The following DRAXIN variants were observed in gnomAD, a reference collection of about 807,000 sequenced individuals.
DRAXIN encodes the protein dorsal inhibitory axon guidance protein, also known as dorsal repulsive axon guidance protein.
In DRAXIN, 27 loss-of-function variants were observed where a neutral mutation model predicts 33.9. The ratio of observed to expected loss-of-function variants is 0.80; its 90% confidence interval spans 0.59 to 1.10. The LOEUF is 1.10. DRAXIN is among the 50% of genes least tolerant of loss of function. DRAXIN has a pLI of 0.00. For synonymous variants in DRAXIN, 178 were observed against 194.0 expected, an observed-to-expected ratio of 0.92 and a Z score of 0.69; for missense variants, 371 against 460.8, an observed-to-expected ratio of 0.81 and a Z score of 1.78.
At position 11,704,761 on chromosome 1, in the gene DRAXIN, T is replaced by C. The variant is rs1462167653; in HGVS notation, c.-10-1488T>C. ...CAGATCCCCGGGATAGGGGACAAGA[T>C]GGAAAGTGACGGCCACCTCCTTGTC... On this transcript the variant is annotated intron_variant, in intron 1 of 6. Coordinates refer to ENST00000294485, the MANE Select transcript of DRAXIN (RefSeq NM_198545.4). This position sits in a 1 kb window ranked among gnomAD's most constrained non-coding sequence, Gnocchi z 4.6. Among the ~76,000 whole-genome samples, 5 of 152,084 alleles carry C rather than the reference T, an allele frequency of 3.3e-5. No homozygotes were observed. The highest frequency in any genetic ancestry group is 1.2e-4 in the African/African-American group (5 of 41,412).
At chr1:11,707,549 T>G (rs1027006803) in intron 2 of DRAXIN, among the ~76,000 whole-genome samples, 5 of 152,166 alleles carry the variant, frequency 3.3e-5, no homozygotes, top group Non-Finnish European at 7.4e-5. Context: ...GTGGGGCGCT[T>G]GGAGCTCAGC....
Position 11,696,309 on chromosome 1 carries a change from C to T in DRAXIN, c.-11+4456C>T, listed in dbSNP as rs922220806. On this transcript the variant is annotated intron_variant, in intron 1 of 6. Coordinates refer to ENST00000294485, the MANE Select transcript of DRAXIN (RefSeq NM_198545.4). This position sits in a 1 kb window ranked among gnomAD's most constrained non-coding sequence, Gnocchi z 4.7. ...ACTTTATAAACATTTACTCCCCAGC[C>T]GGGTGCGGTGGCTCACGCCTGTAAT... 2.6e-5 allele frequency among the ~76,000 whole-genome samples: 4 copies of T among 152,206 alleles called. No homozygotes were observed. The highest frequency in any genetic ancestry group is 3.8e-4 in the East Asian group (2 of 5,198).
rs1641353310 is a variant in DRAXIN, at chr1:11,704,750, A to G, written c.-10-1499A>G. Among the ~76,000 whole-genome samples the G allele has an allele frequency of 6.6e-6, 1 of 152,218 alleles. No homozygotes were observed. Among genetic ancestry groups the G allele is most frequent in the Admixed American group, 6.5e-5 (1 of 15,280 alleles). ...GTATCTTCAGCCAGATCCCCGGGAT[A>G]GGGGACAAGATGGAAAGTGACGGCC... On this transcript the variant is annotated intron_variant, in intron 1 of 6. Transcript: ENST00000294485. This position sits in a 1 kb window ranked among gnomAD's most constrained non-coding sequence, Gnocchi z 4.6.
At position 11,723,553 on chromosome 1, in the gene DRAXIN, C is replaced by T. The variant is rs967567942; in HGVS notation, c.*3857C>T. 1.3e-5 allele frequency: 2 copies of T among 151,648 alleles called. No homozygotes were observed. Among genetic ancestry groups the T allele is most frequent in the African/African-American group, 2.4e-5 (1 of 41,254 alleles). The allele number at this position is 151,648 out of a possible 1,614,324, so 9.4% of individuals were successfully genotyped here. Reference sequence around the variant, plus strand: ...TGTAAAATGGGAATAATAACTCTCCCTTCATAGGGTTGTTGTGAGTAGTGA... The same window carrying T: ...TGTAAAATGGGAATAATAACTCTCCTTTCATAGGGTTGTTGTGAGTAGTGA... On this transcript the variant is annotated 3_prime_UTR_variant, in exon 7 of 7. Coordinates refer to ENST00000294485, the MANE Select transcript of DRAXIN (RefSeq NM_198545.4).
Position 11,724,195 on chromosome 1 carries a change from G to A in DRAXIN, c.*4499G>A, listed in dbSNP as rs563619913. On this transcript the variant is annotated 3_prime_UTR_variant, in exon 7 of 7. Transcript: ENST00000294485. ...GCAGCATGTGCAGATTCCAGGCACC[G>A]AGGCAGGGCTGGAGGAGTAAGTGGC... The A allele has an allele frequency of 6.6e-6, 1 of 152,300 alleles. No homozygotes were observed. Among genetic ancestry groups the A allele is most frequent in the Non-Finnish European group, 1.5e-5 (1 of 68,102 alleles). 9.4% of individuals were successfully genotyped at this position (152,300 alleles called of 1,614,324 possible).
At chr1:11,714,829 C>T (rs1259741804) in intron 5 of DRAXIN, among the ~76,000 whole-genome samples, 1 of 152,260 alleles carries the variant, frequency 6.6e-6, no homozygotes, top group East Asian at 1.9e-4. Flanking sequence ...CAGCCCCCAG[C>T]TGTTCTACTG....
rs1641648834 is a variant in DRAXIN, at chr1:11,720,694, G to A, written c.*998G>A. On this transcript the variant is annotated 3_prime_UTR_variant, in exon 7 of 7. Coordinates refer to ENST00000294485, the MANE Select transcript of DRAXIN (RefSeq NM_198545.4). ...TGCTGGCCCAGGGACCCACTGAGAG[G>A]TCCTGGGAAGTACATGGCAGAGCAA... 1 of 152,082 alleles carries A rather than the reference G, an allele frequency of 6.6e-6. No individual in the cohort carries two copies. The highest frequency in any genetic ancestry group is 1.5e-5 in the Non-Finnish European group (1 of 68,054). The allele number at this position is 152,082 out of a possible 1,614,324, so 9.4% of individuals were successfully genotyped here.
chr1:11,719,944 C>A lies in DRAXIN; in HGVS notation c.*248C>A. 2.1e-6 allele frequency: 1 copy of A among 484,812 alleles called. No individual in the cohort carries two copies. The highest frequency in any genetic ancestry group is 2.4e-5 in the South Asian group (1 of 41,312). 30.0% of individuals were successfully genotyped at this position (484,812 alleles called of 1,614,324 possible). ...CCTCCATCCCGCGTGTCTTGCTCTC[C>A]GCGATGGCAATGCCGAGAGTGCCCT... On this transcript the variant is annotated 3_prime_UTR_variant, in exon 7 of 7. Transcript: ENST00000294485.
rs1453659408 is a variant in DRAXIN at position 11,718,508 on chromosome 1, G to C, written c.938-1076G>C. On this transcript the variant is annotated intron_variant, in intron 6 of 6. Transcript: ENST00000294485. ...AGACAGAGTCTCACTCTGTTACCCA[G>C]GCTGAACTACAGTGGTGCAACCAAG... Among the ~76,000 whole-genome samples the C allele has an allele frequency of 3.3e-5, 5 of 152,114 alleles. No individual in the cohort carries two copies. The East Asian group carries it at 9.6e-4, about 29-fold the overall frequency.
In DRAXIN at chr1:11,722,898, C is replaced by T. The variant is rs1057198091; in HGVS notation, c.*3202C>T. 6.6e-6 allele frequency: 1 copy of T among 151,250 alleles called. No homozygotes were observed. Among genetic ancestry groups the T allele is most frequent in the Non-Finnish European group, 1.5e-5 (1 of 67,974 alleles). The allele number at this position is 151,250 out of a possible 1,614,324, so 9.4% of individuals were successfully genotyped here. The stretch of plus-strand genomic sequence containing the variant: ...CTGGAATGCAGTGGCTCAGTCTCAG[C>T]TCACTGCAACCTCTTCATCCCAGGT... On this transcript the variant is annotated 3_prime_UTR_variant, in exon 7 of 7. Transcript: ENST00000294485.
At chr1:11,712,981 C>T (rs1318492828) in intron 5 of DRAXIN, among the ~76,000 whole-genome samples, 1 of 151,466 alleles carries the variant, frequency 6.6e-6, no homozygotes, top group South Asian at 2.1e-4. Flanking sequence ...AGGCGGATCA[C>T]GAGGTCAGGA....
In DRAXIN at chr1:11,715,220, C is replaced by T. The variant is rs1424484409; in HGVS notation, c.937+12C>T. ...CATGTGTGTGGAAGGTGGGTCCAGA[C>T]TCCTTTGCGGGGGGCTACCCATGCT... On this transcript the variant is annotated intron_variant, in intron 6 of 6. Coordinates refer to ENST00000294485, the MANE Select transcript of DRAXIN (RefSeq NM_198545.4). 6.2e-7 allele frequency: 1 copy of T among 1,614,244 alleles called. No individual in the cohort carries two copies. Among genetic ancestry groups the T allele is most frequent in the South Asian group, 1.1e-5 (1 of 91,084 alleles).
chr1:11,710,511 G>T (rs943427050), intron 3 of DRAXIN, among the ~76,000 whole-genome samples: 3 of 150,458 alleles, frequency 2.0e-5, no homozygotes, highest in African/African-American at 7.3e-5. Flanking sequence ...AAAAAAAAAT[G>T]TGGAGAGAAA....
At chr1:11,691,217 G>T (rs1641057691), upstream of DRAXIN, among the ~76,000 whole-genome samples, 2 of 150,950 alleles carry the variant, frequency 1.3e-5, no homozygotes, top group Non-Finnish European at 1.5e-5. Context: ...ATCCTTTTGT[G>T]GCCCCGGGCC....
At chr1:11,713,194 G>A (rs1380261707) in intron 5 of DRAXIN, among the ~76,000 whole-genome samples, 3 of 118,226 alleles carry the variant, frequency 2.5e-5, no homozygotes, top group African/African-American at 4.4e-5. Flanking sequence ...GTGAAATTCC[G>A]TCTCAAAAAA....
intron 1 of DRAXIN, among the ~76,000 whole-genome samples, chr1:11,697,057 A>C (rs1426109925): frequency 3.3e-5 from 5 of 151,814 alleles, no homozygotes; most frequent in South Asian, 2.1e-4. Context: ...AAAAAAAAAA[A>C]AACAACTTTT....
At chr1:11,711,334 G>A (rs1641492408) in intron 3 of DRAXIN, among the ~76,000 whole-genome samples, 2 of 152,364 alleles carry the variant, frequency 1.3e-5, no homozygotes, top group African/African-American at 2.4e-5. Flanking sequence ...ATGCCCGTGT[G>A]TAGATCCAGC....
chr1:11,707,748 G>C (rs895173594), intron 2 of DRAXIN, among the ~76,000 whole-genome samples: 2 of 151,918 alleles, frequency 1.3e-5, no homozygotes, highest in African/African-American at 4.8e-5. Context: ...CCCCACATCC[G>C]CTGGGAGCTA....
chr1:11,689,710 T>C (rs11803826), upstream of DRAXIN, among the ~76,000 whole-genome samples: 38 of 152,370 alleles, frequency 2.5e-4, no homozygotes, highest in African/African-American at 8.9e-4. Context: ...GGTGCTGTGC[T>C]GTCTATGGAG....
Sources: gnomAD v4.1 joint callset for allele counts (sites outside exome capture counted in the v4.1 genomes callset) on GRCh38, gnomAD v4.1.1 for gene constraint, Gnocchi (gnomAD v3.1) non-coding constraint, MANE v1.5 for transcripts, NCBI Gene and HGNC (gene_info 2026-07-23, HGNC 2026-07-21) for gene names.